CEP112: variants seen among roughly 807,000 people sequenced by gnomAD.
CEP112 encodes the protein centrosomal protein of 112 kDa.
CEP112 carries 127 observed loss-of-function variants against 153.0 expected under a neutral mutation model. The observed-to-expected ratio is 0.83, with a 90% CI of 0.72 to 0.96. CEP112 has a LOEUF of 0.96. Ranked by LOEUF, CEP112 falls within the 40% of genes least tolerant of loss-of-function variation. CEP112 has a pLI of 0.00. For missense variants in CEP112, 1,089 were observed against 1,101.2 expected (o/e 0.99, Z 0.16); for synonymous variants, 358 against 374.4 (o/e 0.96, Z 0.51).
intron 18 of CEP112, among the ~76,000 whole-genome samples, chr17:65,953,393 G>C (rs546961519): frequency 2.0e-5 from 3 of 152,170 alleles, no homozygotes; most frequent in African/African-American, 4.8e-5. Context: ...GACTCACATC[G>C]TGAACTTTGG....
At position 65,846,132 on chromosome 17, in the gene CEP112, G is replaced by A. The variant is rs148762808; in HGVS notation, c.2394+5672C>T. Among the ~76,000 whole-genome samples the A allele has an allele frequency of 8.3e-3, 1,270 of 152,194 alleles. 9 individuals carry two copies. Among genetic ancestry groups the A allele is most frequent in the Non-Finnish European group, 0.014 (950 of 67,996 alleles). ...TCTAAACCTCTGAATTCTTGACTGG[G>A]TTTTAAACTGCTGGCAAATATTTTA... On this transcript the variant is annotated intron_variant, in intron 21 of 26. Transcript: ENST00000535342.
At position 65,902,763 on chromosome 17, in the gene CEP112, T is replaced by C. The variant is rs2059922433; in HGVS notation, c.1981-429A>G. Among the ~76,000 whole-genome samples, 3 of 152,236 alleles carry C rather than the reference T, an allele frequency of 2.0e-5. No individual in the cohort carries two copies. The South Asian group carries it at 6.2e-4, about 32-fold the overall frequency. The stretch of plus-strand genomic sequence containing the variant: ...ACAAATAAAAGATCGGAGCTAAATA[T>C]GCATCTGGATTCTTGTATATACAGT... On this transcript the variant is annotated intron_variant, in intron 19 of 26. Coordinates refer to ENST00000535342, the MANE Select transcript of CEP112 (RefSeq NM_001199165.4).
At chr17:65,723,741 A>T (rs1484750291) in intron 23 of CEP112, among the ~76,000 whole-genome samples, 1 of 152,236 alleles carries the variant, frequency 6.6e-6, no homozygotes, top group Non-Finnish European at 1.5e-5. Flanking sequence ...AGTGTAGTTT[A>T]TAGACATCAA....
At chr17:65,724,653 T>C (rs1218481040) in intron 23 of CEP112, among the ~76,000 whole-genome samples, 1 of 152,238 alleles carries the variant, frequency 6.6e-6, no homozygotes, top group Non-Finnish European at 1.5e-5. Flanking sequence ...TACATTCTAC[T>C]TTCTTTTAAA....
At chr17:65,785,429 A>G (rs2054228689) in intron 21 of CEP112, among the ~76,000 whole-genome samples, 1 of 152,188 alleles carries the variant, frequency 6.6e-6, no homozygotes, top group African/African-American at 2.4e-5. Flanking sequence ...TTACAATCTC[A>G]CCAGCAAAGT....
intron 24 of CEP112, among the ~76,000 whole-genome samples, chr17:65,678,672 C>T (rs577265318): frequency 1.2e-3 from 190 of 152,270 alleles, no homozygotes; most frequent in Non-Finnish European, 2.2e-3. Context: ...CTTCGTCATC[C>T]GTCAGTATTC....
intron 18 of CEP112, among the ~76,000 whole-genome samples, chr17:65,950,699 C>CTAGTAGTAGTAG (rs111958511): frequency 1.4e-4 from 21 of 147,130 alleles, no homozygotes; most frequent in Admixed American, 9.0e-4. Context: ...GGATACATTA[C>CTAGTAGTAGTAG]TAGTAGTAGT....
chr17:65,943,762 G>C (rs2061570100), intron 18 of CEP112, among the ~76,000 whole-genome samples: 2 of 152,230 alleles, frequency 1.3e-5, no homozygotes, highest in South Asian at 2.1e-4. Flanking sequence ...GGCCTATCTT[G>C]TTGTGTTGGG....
chr17:66,033,535 T>C (rs1238003688), intron 12 of CEP112, among the ~76,000 whole-genome samples: 3 of 152,158 alleles, frequency 2.0e-5, no homozygotes, highest in Non-Finnish European at 4.4e-5. Flanking sequence ...CTCAAAGTCA[T>C]CAAGCTAGCC....
chr17:66,005,638 C>T, intron 17 of CEP112, 52 bp downstream of exon 17: 1 of 1,569,492 alleles, frequency 6.4e-7, no homozygotes, highest in Non-Finnish European at 8.6e-7. Context: ...TAATTTGGCT[C>T]ACAGTTTAAT....
At chr17:65,686,617 A>T (rs2047807463) in intron 24 of CEP112, among the ~76,000 whole-genome samples, 1 of 152,180 alleles carries the variant, frequency 6.6e-6, no homozygotes, top group South Asian at 2.1e-4. Flanking sequence ...GGCTCAGTTG[A>T]CCTTCAGTGA....
intron 17 of CEP112, among the ~76,000 whole-genome samples, chr17:65,991,868 T>C (rs1001396944): frequency 2.0e-5 from 3 of 152,126 alleles, no homozygotes; most frequent in Admixed American, 2.0e-4. Flanking sequence ...TTCAGATTTA[T>C]ACTATTCAGT....
At chr17:66,145,449 C>G (rs886952625) in intron 4 of CEP112, among the ~76,000 whole-genome samples, 2 of 151,962 alleles carry the variant, frequency 1.3e-5, no homozygotes, top group Non-Finnish European at 2.9e-5. Context: ...GAAATCTTTG[C>G]CTGTTCCAAC....
chr17:65,969,825 T>A (rs951938001), intron 17 of CEP112, among the ~76,000 whole-genome samples: 8 of 123,270 alleles, frequency 6.5e-5, no homozygotes, highest in African/African-American at 2.1e-4. Flanking sequence ...TGCATACATA[T>A]TACAAGCATA....
At chr17:65,662,745 G>A (rs1381200301) in intron 24 of CEP112, among the ~76,000 whole-genome samples, 6 of 152,058 alleles carry the variant, frequency 3.9e-5, no homozygotes, top group Non-Finnish European at 7.4e-5. Flanking sequence ...AATCCTAAAC[G>A]TGTGTGGATA....
intron 22 of CEP112, among the ~76,000 whole-genome samples, chr17:65,743,944 G>A (rs2051285442): frequency 6.6e-6 from 1 of 151,788 alleles, no homozygotes; most frequent in Non-Finnish European, 1.5e-5. Context: ...TGTATTTTTA[G>A]TAGAGATGGG....
At chr17:65,831,434 G>C (rs1257408422) in intron 21 of CEP112, among the ~76,000 whole-genome samples, 2 of 151,982 alleles carry the variant, frequency 1.3e-5, no homozygotes, top group African/African-American at 4.8e-5. Flanking sequence ...GTGGGCACCT[G>C]TAGTCCCAGC....
chr17:65,756,345 G>A (rs1436064454), intron 21 of CEP112, among the ~76,000 whole-genome samples: 2 of 144,398 alleles, frequency 1.4e-5, no homozygotes, highest in African/African-American at 2.6e-5. Context: ...AGTGGAGGTT[G>A]CAGCGAGCTG....
chr17:65,813,386 G>A (rs1290275629), intron 21 of CEP112, among the ~76,000 whole-genome samples: 2 of 152,142 alleles, frequency 1.3e-5, no homozygotes, highest in Non-Finnish European at 2.9e-5. Context: ...GAGCCTCGTT[G>A]GGAAATGAGG....
Sources: allele counts gnomAD v4.1 joint callset (sites outside exome capture counted in the v4.1 genomes callset), GRCh38; gene constraint gnomAD v4.1.1; transcripts MANE v1.5; gene names NCBI Gene and HGNC (gene_info 2026-07-23, HGNC 2026-07-21).